ADPRH: variants seen among roughly 807,000 people sequenced by gnomAD.
The protein encoded by ADPRH is ADP-ribose-L-arginine cleaving enzyme.
In ADPRH, 27 loss-of-function variants were observed where a neutral mutation model predicts 28.8. The ratio of observed to expected loss-of-function variants is 0.94; its 90% CI spans 0.69 to 1.29. The LOEUF (loss-of-function observed/expected upper bound fraction) is 1.29, where lower values mean the gene tolerates loss of function less well. Ranked by LOEUF, ADPRH falls within the 50% of genes most tolerant of loss-of-function variation. The probability of loss-of-function intolerance (pLI) is 0.00; values close to 1 mark genes in which losing one functional copy is unlikely to be tolerated. For synonymous variants in ADPRH, 161 were observed against 166.9 expected (o/e 0.96, Z 0.27); for missense variants, 419 against 444.8 (o/e 0.94, Z 0.52).
chr3:119,581,041 C>T (rs1426550333), intron 2 of ADPRH, among the ~76,000 whole-genome samples: 2 of 149,452 alleles, frequency 1.3e-5, no homozygotes, highest in Non-Finnish European at 3.0e-5. Context: ...ATCAAGCTTA[C>T]TATGTGCCAA....
At position 119,586,660 on chromosome 3, in the gene ADPRH, G is replaced by T. The variant is rs369658358; in HGVS notation, c.659+15G>T. 2.5e-6 allele frequency: 4 copies of T among 1,609,184 alleles called. No homozygotes were observed. Among genetic ancestry groups the T allele is most frequent in the Admixed American group, 1.7e-5 (1 of 58,372 alleles). On this transcript the variant is annotated intron_variant, in intron 4 of 4. Transcript: ENST00000357003. ...CTTCAACACTGGTGAGTCTGTAAGC[G>T]CACGCCCTGCTCAAACACGGTTGAA...
At chr3:119,587,142 T>C (rs1178087053) in intron 4 of ADPRH, among the ~76,000 whole-genome samples, 3 of 152,250 alleles carry the variant, frequency 2.0e-5, no homozygotes, top group African/African-American at 7.2e-5. Flanking sequence ...AGTTGTGATG[T>C]CTTGAAGTTC....
chr3:119,580,968 C>T (rs1037548207), intron 2 of ADPRH, among the ~76,000 whole-genome samples: 1 of 151,636 alleles, frequency 6.6e-6, no homozygotes, highest in South Asian at 2.1e-4. Context: ...AGAAAATGTT[C>T]TAGTTCTAAA....
chr3:119,579,789 TC>T lies in ADPRH; in HGVS notation c.-181del, dbSNP rs913580135. On this transcript the variant is annotated 5_prime_UTR_variant, in exon 1 of 5. Coordinates refer to ENST00000357003, the MANE Select transcript of ADPRH (RefSeq NM_001125.4). ...TCCACCCGCAGCAGCCAAGGCCTCT[TC>T]CCCGGCCCCGGGAGCCCGCGCCACG... The T allele has an allele frequency of 6.5e-6, 1 of 153,568 alleles. No individual in the cohort carries two copies. Among genetic ancestry groups the T allele is most frequent in the Non-Finnish European group, 1.4e-5 (1 of 69,082 alleles). The allele number at this position is 153,568 out of a possible 1,614,324, so 9.5% of individuals were successfully genotyped here.
At chr3:119,581,733 A>T (rs1400166956) in intron 2 of ADPRH, among the ~76,000 whole-genome samples, 2 of 152,216 alleles carry the variant, frequency 1.3e-5, no homozygotes, top group Admixed American at 1.3e-4. Flanking sequence ...TCTAAGGCCA[A>T]ATCCCAGCTA....
chr3:119,581,358 G>A (rs938078151), intron 2 of ADPRH, among the ~76,000 whole-genome samples: 3 of 152,102 alleles, frequency 2.0e-5, no homozygotes, highest in African/African-American at 7.2e-5. Flanking sequence ...GTGAGCCACC[G>A]CGTCCAGCCA....
chr3:119,582,550 T>A, intron 3 of ADPRH, 83 bp downstream of exon 3: 1 of 1,378,024 alleles, frequency 7.3e-7, no homozygotes. Context: ...GATGGAGATT[T>A]AAATAACAGA....
intron 4 of ADPRH, 69 bp downstream of exon 4, chr3:119,586,714 T>G (rs559819456): frequency 6.4e-7 from 1 of 1,569,564 alleles, no homozygotes; most frequent in East Asian, 2.2e-5. Flanking sequence ...CCTGCACATA[T>G]ATGTCTTGTA....
intron 3 of ADPRH, among the ~76,000 whole-genome samples, chr3:119,583,620 A>C (rs1266337443): frequency 1.3e-5 from 2 of 152,200 alleles, no homozygotes; most frequent in African/African-American, 4.8e-5. Context: ...TTTAAAAAAT[A>C]GATCTGTGGG....
intron 4 of ADPRH, 124 bp downstream of exon 4, chr3:119,586,769 T>C: frequency 7.4e-7 from 1 of 1,357,484 alleles, no homozygotes; most frequent in Non-Finnish European, 9.9e-7. Context: ...CCCAGCCCCC[T>C]TTCTACCCAT....
At chr3:119,581,084 TTGA>T (rs1400038691) in intron 2 of ADPRH, among the ~76,000 whole-genome samples, 2 of 150,976 alleles carry the variant, frequency 1.3e-5, no homozygotes, top group African/African-American at 4.9e-5. Context: ...TTTTTTTTTT[TTGA>T]GACAGAGTCT....
chr3:119,583,746 T>TA (rs954363445), intron 3 of ADPRH, among the ~76,000 whole-genome samples: 2 of 151,914 alleles, frequency 1.3e-5, no homozygotes, highest in African/African-American at 4.8e-5. Flanking sequence ...AGCCTGTCTT[T>TA]AAAAAAAATT....
In ADPRH at chr3:119,588,100, G is replaced by C. The variant is rs1254478808; in HGVS notation, c.*222G>C. 2 of 396,102 alleles carry C rather than the reference G, an allele frequency of 5.0e-6. No individual in the cohort carries two copies. The highest frequency in any genetic ancestry group is 2.1e-5 in the African/African-American group (1 of 48,626). 24.5% of individuals were successfully genotyped at this position (396,102 alleles called of 1,614,324 possible). On this transcript the variant is annotated 3_prime_UTR_variant, in exon 5 of 5. Transcript: ENST00000357003. ...GAAGAGTCCTTTAGCTCAATTGATA[G>C]GGTCAGCGTCTCGCAAGCAAAAAAT... is the stretch of plus-strand genomic sequence containing the variant.
intron 3 of ADPRH, among the ~76,000 whole-genome samples, chr3:119,584,547 A>C (rs1478095946): frequency 2.6e-5 from 4 of 152,148 alleles, no homozygotes; most frequent in Non-Finnish European, 5.9e-5. Flanking sequence ...TGGGCGACAG[A>C]GTGAGACCCC....
intron 4 of ADPRH, 116 bp from the exon 5 acceptor site, chr3:119,587,348 G>C: frequency 1.3e-6 from 1 of 748,964 alleles, no homozygotes; most frequent in Non-Finnish European, 2.0e-6. Context: ...TGATATTACT[G>C]CAAGAAGCCG....
intron 3 of ADPRH, among the ~76,000 whole-genome samples, chr3:119,582,890 C>G (rs2082421069): frequency 6.6e-6 from 1 of 152,238 alleles, no homozygotes. Context: ...CTGTTGGGAA[C>G]TGCACATGCG....
At position 119,589,707 on chromosome 3, in the gene ADPRH, T is replaced by C. The variant is rs2082498409; in HGVS notation, c.*1829T>C. ...AGATTTGCTTTGCCGATTGTCACTC[T>C]TCATCACAGGCACATTTCAAAAAGA... On this transcript the variant is annotated 3_prime_UTR_variant, in exon 5 of 5. Transcript: ENST00000357003. The C allele has an allele frequency of 6.6e-6, 1 of 152,234 alleles. No individual in the cohort carries two copies. The highest frequency in any genetic ancestry group is 2.4e-5 in the African/African-American group (1 of 41,462). The allele number at this position is 152,234 out of a possible 1,614,324, so 9.4% of individuals were successfully genotyped here.
At chr3:119,580,744 G>A (rs2082397790) in intron 2 of ADPRH, 108 bp downstream of exon 2, 1 of 152,178 alleles carries the variant, frequency 6.6e-6, no homozygotes, top group Admixed American at 6.5e-5. Context: ...GGGATGGAGG[G>A]CTTTGACCTG....
At position 119,589,027 on chromosome 3, in the gene ADPRH, G is replaced by C. The variant is rs958614535; in HGVS notation, c.*1149G>C. The C allele has an allele frequency of 6.6e-6, 1 of 152,210 alleles. No individual in the cohort carries two copies. 9.4% of individuals were successfully genotyped at this position (152,210 alleles called of 1,614,324 possible). ...ACATCACCTTTCTTCATTTCTTGATGCTCTTCCCAATCCTTGTCTACCTGA... is the reference window on the plus strand; with the variant it reads ...ACATCACCTTTCTTCATTTCTTGATCCTCTTCCCAATCCTTGTCTACCTGA... On this transcript the variant is annotated 3_prime_UTR_variant, in exon 5 of 5. Coordinates refer to ENST00000357003, the MANE Select transcript of ADPRH (RefSeq NM_001125.4).
Sources: gnomAD v4.1 joint callset for allele counts (sites outside exome capture counted in the v4.1 genomes callset) on GRCh38, gnomAD v4.1.1 for gene constraint, MANE v1.5 for transcripts, NCBI Gene and HGNC (gene_info 2026-07-23, HGNC 2026-07-21) for gene names.